CTNND2: variants seen among roughly 807,000 people sequenced by gnomAD.
CTNND2 encodes the protein catenin delta 2.
In CTNND2, 22 loss-of-function variants were observed where a neutral mutation model predicts 144.4. That is an observed-to-expected ratio of 0.15 (90% CI 0.11 to 0.22). The LOEUF is 0.22. Ranked by LOEUF, CTNND2 falls within the 10% of genes least tolerant of loss-of-function variation. The pLI, the probability that CTNND2 is intolerant of heterozygous loss-of-function variation, is 1.00. For synonymous variants in CTNND2, 751 were observed against 695.6 expected, an observed-to-expected ratio of 1.08 and a Z score of -1.25; for missense variants, 1,353 against 1,618.8, an observed-to-expected ratio of 0.84 and a Z score of 2.82.
chr5:11,740,478 G>C (rs1787938510), intron 1 of CTNND2, among the ~76,000 whole-genome samples: 1 of 152,096 alleles, frequency 6.6e-6, no homozygotes, highest in African/African-American at 2.4e-5. Context: ...GGGAAAACTG[G>C]CTAGCCATAT....
intron 11 of CTNND2, among the ~76,000 whole-genome samples, chr5:11,173,885 G>C (rs1560969259): frequency 6.6e-6 from 1 of 152,162 alleles, no homozygotes; most frequent in Non-Finnish European, 1.5e-5. Flanking sequence ...AAGGATGGTT[G>C]GTTTTTAAAC....
intron 2 of CTNND2, among the ~76,000 whole-genome samples, chr5:11,667,143 C>T (rs1022205538): frequency 1.3e-5 from 2 of 152,132 alleles, no homozygotes; most frequent in African/African-American, 4.8e-5. Context: ...CTATGTGCCA[C>T]ATTTTCTTTG....
chr5:11,869,913 T>G (rs946161665), intron 1 of CTNND2, among the ~76,000 whole-genome samples: 4 of 152,162 alleles, frequency 2.6e-5, no homozygotes, highest in Non-Finnish European at 1.5e-5. Context: ...AGAAATATTC[T>G]AATTCCCCTG....
chr5:11,147,730 A>C (rs1757380096), intron 12 of CTNND2, among the ~76,000 whole-genome samples: 1 of 151,674 alleles, frequency 6.6e-6, no homozygotes. Flanking sequence ...GAAAAAGAGA[A>C]TAGGCCCAGA....
intron 9 of CTNND2, among the ~76,000 whole-genome samples, chr5:11,337,738 T>G (rs1436063589): frequency 1.3e-5 from 2 of 152,214 alleles, no homozygotes; most frequent in Non-Finnish European, 2.9e-5. Context: ...TTTTTTTTAA[T>G]GTGTTATCAC....
intron 2 of CTNND2, among the ~76,000 whole-genome samples, chr5:11,659,379 G>C (rs1256928706): frequency 6.6e-6 from 1 of 152,168 alleles, no homozygotes. Context: ...GCGTATACCA[G>C]CAAGACTGTA....
At chr5:11,671,835 T>C (rs1783888680) in intron 2 of CTNND2, among the ~76,000 whole-genome samples, 1 of 152,076 alleles carries the variant, frequency 6.6e-6, no homozygotes, top group Non-Finnish European at 1.5e-5. Context: ...CGAGGAGCTG[T>C]GATCCTTTGG....
At chr5:11,606,718 A>C (rs1204005524) in intron 2 of CTNND2, among the ~76,000 whole-genome samples, 1 of 152,172 alleles carries the variant, frequency 6.6e-6, no homozygotes, top group African/African-American at 2.4e-5. Flanking sequence ...TGATGTTTTT[A>C]AATATGGGAC....
intron 9 of CTNND2, among the ~76,000 whole-genome samples, chr5:11,243,712 A>G (rs1742689247): frequency 6.6e-6 from 1 of 152,248 alleles, no homozygotes; most frequent in Non-Finnish European, 1.5e-5. Flanking sequence ...CAAAACGCTC[A>G]GCACAGCTAA....
chr5:11,190,802 A>C (rs555610973), intron 11 of CTNND2, among the ~76,000 whole-genome samples: 1 of 152,308 alleles, frequency 6.6e-6, no homozygotes, highest in East Asian at 1.9e-4. Flanking sequence ...CCTTTTACTG[A>C]AAAAGCTTGC....
At chr5:11,407,201 T>G (rs1276433535) in intron 5 of CTNND2, among the ~76,000 whole-genome samples, 1 of 152,178 alleles carries the variant, frequency 6.6e-6, no homozygotes, top group Admixed American at 6.5e-5. Context: ...AAGCTTCTGT[T>G]GGTAAATTAT....
Position 11,629,027 on chromosome 5 carries a change from T to C in CTNND2, c.175-63971A>G, listed in dbSNP as rs534528072. 5.9e-5 allele frequency among the ~76,000 whole-genome samples: 9 copies of C among 152,308 alleles called. No individual in the cohort carries two copies. In the South Asian group the frequency reaches 1.9e-3, roughly 32 times the overall value. On this transcript the variant is annotated intron_variant, in intron 2 of 21. Coordinates refer to ENST00000304623, the MANE Select transcript of CTNND2 (RefSeq NM_001332.4). ...ATTTTTGTGGAAGGTGGATGACACA[T>C]AATTGGGAGTGCTATGAGGCTAGCA... is the stretch of plus-strand genomic sequence containing the variant.
At chr5:11,776,077 A>G (rs1047044314) in intron 1 of CTNND2, among the ~76,000 whole-genome samples, 2 of 152,162 alleles carry the variant, frequency 1.3e-5, no homozygotes, top group Non-Finnish European at 2.9e-5. Context: ...CCCTTCTGAC[A>G]CTTGGGTTTA....
chr5:11,755,257 T>G (rs1788867826), intron 1 of CTNND2, among the ~76,000 whole-genome samples: 1 of 151,904 alleles, frequency 6.6e-6, no homozygotes, highest in African/African-American at 2.4e-5. Flanking sequence ...TTCATAATGC[T>G]TAATATAGGC....
chr5:11,075,382 G>A (rs750966152), intron 16 of CTNND2, among the ~76,000 whole-genome samples: 3 of 152,338 alleles, frequency 2.0e-5, no homozygotes, highest in Non-Finnish European at 2.9e-5. Flanking sequence ...ATATGGGGGC[G>A]TCAGTCAAAG....
At chr5:11,740,190 T>C (rs2126761911) in intron 1 of CTNND2, among the ~76,000 whole-genome samples, 1 of 152,270 alleles carries the variant, frequency 6.6e-6, no homozygotes, top group African/African-American at 2.4e-5. Flanking sequence ...AAAAAACTAC[T>C]TTAAAGTTCA....
chr5:11,541,469 A>G (rs1447338827), intron 3 of CTNND2, among the ~76,000 whole-genome samples: 1 of 152,136 alleles, frequency 6.6e-6, no homozygotes, highest in African/African-American at 2.4e-5. Context: ...ACCTGTGGCC[A>G]CCACGATAAA....
intron 1 of CTNND2, among the ~76,000 whole-genome samples, chr5:11,887,252 G>A (rs1163182825): frequency 5.3e-5 from 8 of 151,786 alleles, no homozygotes; most frequent in East Asian, 3.9e-4. Context: ...CAAAGTGCTG[G>A]GATTACAGGC....
intron 2 of CTNND2, among the ~76,000 whole-genome samples, chr5:11,649,748 C>T (rs1782550857): frequency 6.6e-6 from 1 of 152,130 alleles, no homozygotes; most frequent in South Asian, 2.1e-4. Context: ...ATCATTTATG[C>T]TCTTCATTAA....
Sources: gnomAD v4.1 joint callset for allele counts (sites outside exome capture counted in the v4.1 genomes callset) on GRCh38, gnomAD v4.1.1 for gene constraint, MANE v1.5 for transcripts, NCBI Gene and HGNC (gene_info 2026-07-23, HGNC 2026-07-21) for gene names.